ZNF286A: variants seen among roughly 807,000 people sequenced by gnomAD.
ZNF286A encodes the protein zinc finger protein 286A, also known as zinc finger protein ZNF286.
In ZNF286A, 34 loss-of-function variants were observed where a neutral mutation model predicts 49.3. The observed-to-expected ratio is 0.69, with a 90% confidence interval of 0.52 to 0.92. ZNF286A has a LOEUF of 0.92. ZNF286A is among the 40% of genes least tolerant of loss of function. The probability of loss-of-function intolerance (pLI) is 0.00; values close to 1 mark genes in which losing one functional copy is unlikely to be tolerated. For missense variants in ZNF286A, 462 were observed against 600.2 expected (o/e 0.77, Z 2.41); for synonymous variants, 155 against 200.4 (o/e 0.77, Z 1.91).
At position 15,719,120 on chromosome 17, in the gene ZNF286A, C is replaced by G. The variant is rs1335094813; in HGVS notation, c.*1830C>G. 1 of 85,294 alleles carries G rather than the reference C, an allele frequency of 1.2e-5. No individual in the cohort carries two copies. The highest frequency in any genetic ancestry group is 2.1e-5 in the Non-Finnish European group (1 of 47,488). 5.3% of individuals were successfully genotyped at this position (85,294 alleles called of 1,614,324 possible). A position where few individuals can be genotyped will look rare whatever the true frequency, so the allele number is the denominator to read the frequency against. On this transcript the variant is annotated 3_prime_UTR_variant, in exon 6 of 6. Transcript: ENST00000583566. ...ATGAGATTTGGGTGGGGATACAGAT[C>G]TAAACTGTATCATTACTCAAAAAAA...
chr17:15,719,184 C>T lies in ZNF286A; in HGVS notation c.*1894C>T, dbSNP rs553599409. 9.7e-5 allele frequency: 13 copies of T among 134,570 alleles called. 1 individual carries two copies. The highest frequency in any genetic ancestry group is 3.7e-4 in the African/African-American group (13 of 35,506). 8.3% of individuals were successfully genotyped at this position (134,570 alleles called of 1,614,324 possible). A position where few individuals can be genotyped will look rare whatever the true frequency, so the allele number is the denominator to read the frequency against. On this transcript the variant is annotated 3_prime_UTR_variant, in exon 6 of 6. Coordinates refer to ENST00000583566, the MANE Select transcript of ZNF286A (RefSeq NM_001130842.2). ...AGAAAAGAAAACACAGGAAAAGGAA[C>T]TCACCTCTTTTATCATCTTAGTATT...
At chr17:15,705,418 CATTT>C (rs1009244963) in intron 3 of ZNF286A, among the ~76,000 whole-genome samples, 3 of 151,798 alleles carry the variant, frequency 2.0e-5, no homozygotes, top group Non-Finnish European at 4.4e-5. Flanking sequence ...GTGCTCTGGT[CATTT>C]ATTTACATTT....
Position 15,704,861 on chromosome 17 carries a change from G to A in ZNF286A, c.127-1526G>A, listed in dbSNP as rs184250046. 558 of 1,612,312 alleles carry A rather than the reference G, an allele frequency of 3.5e-4. 2 individuals are homozygous for A. Among genetic ancestry groups the A allele is most frequent in the Non-Finnish European group, 2.3e-4 (270 of 1,178,994 alleles). On this transcript the variant is annotated intron_variant, in intron 3 of 5. Coordinates refer to ENST00000583566, the MANE Select transcript of ZNF286A (RefSeq NM_001130842.2). ...GTCGTCACCTCCTTGTACACCAGGC[G>A]GATGATGTGCGGGGGCAGTTTCTCC...
Position 15,717,570 on chromosome 17 carries a change from C to T in ZNF286A, c.*280C>T, listed in dbSNP as rs1168580102. ...AAGTCCCTGAGAGTAGGTAGCAGTA[C>T]GAACATTGTGAAATCCAGTTTTCCC... On this transcript the variant is annotated 3_prime_UTR_variant, in exon 6 of 6. Coordinates refer to ENST00000583566, the MANE Select transcript of ZNF286A (RefSeq NM_001130842.2). 4.4e-5 allele frequency: 19 copies of T among 435,166 alleles called. No homozygotes were observed. Among genetic ancestry groups the T allele is most frequent in the African/African-American group, 1.0e-4 (5 of 49,814 alleles). The allele number at this position is 435,166 out of a possible 1,614,324, so 27.0% of individuals were successfully genotyped here.
At position 15,717,091 on chromosome 17, in the gene ZNF286A, A is replaced by G. The variant is rs760277298; in HGVS notation, c.1367A>G (p.His456Arg). ...AGCCGGAGCTCCAATTTTGCTAAAC[A>G]TCAAAGAATTCATATTGGAAAGAAA... ...TFSRSSNFAK[H>R]QRIHIGKKPY... The change falls in exon 6 of 6, where the codon CAT becomes CGT. Residue 456 changes from histidine (H) to arginine (R), a missense_variant. Around this residue, in one of 3 missense-constraint regions of ZNF286A, gnomAD observed 201 missense variants for 311.3 expected, o/e 0.65. Coordinates refer to ENST00000583566, the MANE Select transcript of ZNF286A (RefSeq NM_001130842.2). The G allele has an allele frequency of 6.2e-7, 1 of 1,614,146 alleles. No individual in the cohort carries two copies. Among genetic ancestry groups the G allele is most frequent in the Admixed American group, 1.7e-5 (1 of 60,026 alleles).
chr17:15,701,705 G>A (rs1475740640), intron 3 of ZNF286A, among the ~76,000 whole-genome samples: 2 of 152,218 alleles, frequency 1.3e-5, no homozygotes, highest in African/African-American at 2.4e-5. Flanking sequence ...CTATGAAGGC[G>A]TAATTTAAAG....
chr17:15,704,777 C>G, intron 3 of ZNF286A: 1 of 1,613,928 alleles, frequency 6.2e-7, no homozygotes, highest in Non-Finnish European at 8.5e-7. Flanking sequence ...ACCTGGAGGT[C>G]GGTGAGGTCC....
chr17:15,716,059 A>C lies in ZNF286A; in HGVS notation c.335A>C (p.Asp112Ala), dbSNP rs747720507. The change falls in exon 6 of 6, where the codon GAC (aspartate) becomes GCC (alanine). Residue 112 changes from aspartate to alanine, a missense_variant and splice_region_variant. Asp to Ala is a moderately radical substitution (Grantham distance 126). Coordinates refer to ENST00000583566, the MANE Select transcript of ZNF286A (RefSeq NM_001130842.2). Reference sequence around the variant, plus strand: ...AATTTGCATTTCCAATGTCTTTCAGACATGGAGACTAGACCACAGAGCAAG... The same window carrying C: ...AATTTGCATTTCCAATGTCTTTCAGCCATGGAGACTAGACCACAGAGCAAG... ...ERKAPKSSYS[D>A]METRPQSKDS... The C allele has an allele frequency of 6.2e-7, 1 of 1,613,904 alleles. No individual in the cohort carries two copies. The highest frequency in any genetic ancestry group is 1.1e-5 in the South Asian group (1 of 91,074).
chr17:15,701,239 A>C lies in ZNF286A; in HGVS notation c.125A>C (p.Gln42Pro). The C allele has an allele frequency of 1.2e-6, 2 of 1,614,000 alleles. No individual in the cohort carries two copies. The highest frequency in any genetic ancestry group is 1.7e-6 in the Non-Finnish European group (2 of 1,179,982). Residue 42 changes from glutamine (Q) to proline (P), a missense_variant and splice_region_variant, in exon 3 of 6, where the codon CAG becomes CCG. Coordinates refer to ENST00000583566, the MANE Select transcript of ZNF286A (RefSeq NM_001130842.2). ...VAALRLTARSQETVTFKDVAM... is the reference protein window; with the variant it reads ...VAALRLTARSPETVTFKDVAM... ...GCTCTGCGCCTCACGGCCAGATCCC[A>C]GGTGAGTGAGTGCTGATTATTGGAA...
rs554917861 is a variant in ZNF286A, at chr17:15,710,305, G to A, written c.334+2058G>A. On this transcript the variant is annotated intron_variant, in intron 5 of 5. Coordinates refer to ENST00000583566, the MANE Select transcript of ZNF286A (RefSeq NM_001130842.2). ...ATAACAAACTTTTTTTTTAAATAGTGCTTTTTGTGAATTGTCTATCTACTT... is the reference window on the plus strand; with the variant it reads ...ATAACAAACTTTTTTTTTAAATAGTACTTTTTGTGAATTGTCTATCTACTT... Among the ~76,000 whole-genome samples, 69 of 152,190 alleles carry A rather than the reference G, an allele frequency of 4.5e-4. 1 individual carries two copies. The highest frequency in any genetic ancestry group is 1.6e-3 in the African/African-American group (67 of 41,522).
At chr17:15,710,010 C>A in intron 5 of ZNF286A, 6 of 1,245,236 alleles carry the variant, frequency 4.8e-6, no homozygotes, top group Admixed American at 5.9e-5. Flanking sequence ...TTAAAATTTT[C>A]ATTTCTCTGA....
chr17:15,705,208 C>T (rs1165332072), intron 3 of ZNF286A, among the ~76,000 whole-genome samples: 1 of 152,018 alleles, frequency 6.6e-6, no homozygotes, highest in Non-Finnish European at 1.5e-5. Context: ...TATGCTTCAC[C>T]CAGATTTTGC....
At chr17:15,712,022 C>T (rs1990703949) in intron 5 of ZNF286A, among the ~76,000 whole-genome samples, 1 of 151,942 alleles carries the variant, frequency 6.6e-6, no homozygotes, top group Admixed American at 6.6e-5. Context: ...CAGGTGCCCG[C>T]CACCACACCC....
In ZNF286A at chr17:15,717,930, A is replaced by ATTT. The variant is rs769116482; in HGVS notation, c.*659_*661dup. 0.069 allele frequency: 6,637 copies of ATTT among 96,730 alleles called. 674 individuals carry two copies. The highest frequency in any genetic ancestry group is 0.13 in the African/African-American group (2,946 of 22,574). The allele number at this position is 96,730 out of a possible 1,614,324, so 6.0% of individuals were successfully genotyped here. ...TTCACATGGATTATGTACATCATTG[A>ATTT]TTTTTTTTTTTTTTTTTTTTTGAGA... On this transcript the variant is annotated 3_prime_UTR_variant, in exon 6 of 6. Coordinates refer to ENST00000583566, the MANE Select transcript of ZNF286A (RefSeq NM_001130842.2).
Position 15,701,220 on chromosome 17 carries a change from C to T in ZNF286A, c.106C>T (p.Arg36Cys), listed in dbSNP as rs145330416. The T allele has an allele frequency of 9.4e-5, 151 of 1,614,116 alleles. No homozygotes were observed. Among genetic ancestry groups the T allele is most frequent in the African/African-American group, 9.1e-4 (68 of 75,066 alleles). ...AGAAGAGGGAGAAGTGGCTGCTCTGCGCCTCACGGCCAGATCCCAGGTGAG... is the reference window on the plus strand; with the variant it reads ...AGAAGAGGGAGAAGTGGCTGCTCTGTGCCTCACGGCCAGATCCCAGGTGAG... Reference protein sequence around the residue: ...STEEGEVAALRLTARSQETVT... With the variant: ...STEEGEVAALCLTARSQETVT... The change falls in exon 3 of 6, where the codon CGC becomes TGC. Residue 36 changes from arginine to cysteine, a missense_variant. Transcript: ENST00000583566.
At chr17:15,706,545 A>G in intron 4 of ZNF286A, 44 bp downstream of exon 4, 2 of 1,402,644 alleles carry the variant, frequency 1.4e-6, no homozygotes, top group Non-Finnish European at 1.9e-6. Context: ...TAGGAGCATC[A>G]TTACTTTAAT....
At chr17:15,711,049 T>C (rs557837956) in intron 5 of ZNF286A, among the ~76,000 whole-genome samples, 1 of 152,044 alleles carries the variant, frequency 6.6e-6, no homozygotes, top group Admixed American at 6.6e-5. Context: ...GTAGCTGGGA[T>C]TACAGGCATA....
chr17:15,704,145 C>G, intron 3 of ZNF286A: 1 of 1,042,470 alleles, frequency 9.6e-7, no homozygotes. Context: ...TCCCCGACCC[C>G]AGCCATAATT....
At chr17:15,704,289 A>G in intron 3 of ZNF286A, 1 of 1,609,274 alleles carries the variant, frequency 6.2e-7, no homozygotes, top group Non-Finnish European at 8.5e-7. Context: ...CCAGCTTCTT[A>G]TCGCGCTCGC....
Sources: allele counts gnomAD v4.1 joint callset (sites outside exome capture counted in the v4.1 genomes callset), GRCh38; gene constraint gnomAD v4.1.1; regional missense constraint gnomAD v4.1.1; transcripts MANE v1.5; gene names NCBI Gene and HGNC (gene_info 2026-07-23, HGNC 2026-07-21).